Variants in SPMIP4 observed in about 807,000 individuals in gnomAD.
SPMIP4 encodes the protein sperm microtubule inner protein 4.
chr7:25,164,931 TC>T, the SPMIP4 span, among the ~76,000 whole-genome samples: 1 of 152,254 alleles, frequency 6.6e-6, no homozygotes, highest in Non-Finnish European at 1.5e-5. Flanking sequence ...TCCAACTCCC[TC>T]CAGGTTGCTG....
At chr7:25,147,188 G>A in the SPMIP4 span, among the ~76,000 whole-genome samples, 1 of 152,196 alleles carries the variant, frequency 6.6e-6, no homozygotes, top group Non-Finnish European at 1.5e-5. Context: ...TAGGTACTCT[G>A]GAGACTGAGG....
the SPMIP4 span, among the ~76,000 whole-genome samples, chr7:25,172,290 T>C: frequency 6.6e-6 from 1 of 151,970 alleles, no homozygotes; most frequent in South Asian, 2.1e-4. The surrounding 1 kb of genome is among the most constrained non-coding windows in gnomAD (Gnocchi z 4.2). Flanking sequence ...AACTTGTTTG[T>C]TTGCTCTTGA....
chr7:25,126,054 AATATAT>A, the SPMIP4 span: 1 of 271,098 alleles, frequency 3.7e-6, no homozygotes, highest in Admixed American at 6.5e-5. Flanking sequence ...GAAGTAGGTA[AATATAT>A]ATATATACTT....
the SPMIP4 span, among the ~76,000 whole-genome samples, chr7:25,153,056 T>A: frequency 6.6e-6 from 1 of 152,150 alleles, no homozygotes; most frequent in East Asian, 1.9e-4. Flanking sequence ...TGCTTCTTAG[T>A]TCTAATAAAG....
At chr7:25,129,042 T>C in the SPMIP4 span, among the ~76,000 whole-genome samples, 1 of 152,070 alleles carries the variant, frequency 6.6e-6, no homozygotes, top group East Asian at 1.9e-4. Flanking sequence ...TCCCCTCTCT[T>C]CTCCTCAAGT....
At chr7:25,151,504 T>C in the SPMIP4 span, 4 of 767,100 alleles carry the variant, frequency 5.2e-6, no homozygotes, top group Admixed American at 2.4e-5. Context: ...ATTATGGGCA[T>C]GTGCCACCAT....
the SPMIP4 span, chr7:25,134,774 T>C: frequency 2.0e-6 from 2 of 985,322 alleles, no homozygotes; most frequent in South Asian, 9.4e-5. Flanking sequence ...AAAAAGTGTG[T>C]ACACTATATC....
the SPMIP4 span, among the ~76,000 whole-genome samples, chr7:25,138,023 C>G: frequency 6.6e-6 from 1 of 152,148 alleles, no homozygotes; most frequent in East Asian, 1.9e-4. The surrounding 1 kb of genome is among the most constrained non-coding windows in gnomAD (Gnocchi z 6.2). Flanking sequence ...ATGTATAGGA[C>G]TATTCAGATT....
chr7:25,135,708 T>C, the SPMIP4 span: 1 of 983,824 alleles, frequency 1.0e-6, no homozygotes, highest in South Asian at 4.3e-5. Context: ...CCTTGTATAA[T>C]CTGAAGATGA....
chr7:25,130,223 G>A, the SPMIP4 span, among the ~76,000 whole-genome samples: 461 of 150,720 alleles, frequency 3.1e-3, 1 homozygote, highest in African/African-American at 9.7e-3. Flanking sequence ...CAACCTGGGC[G>A]ACAGAGAAAG....
chr7:25,133,257 T>A, the SPMIP4 span, among the ~76,000 whole-genome samples: 7 of 152,218 alleles, frequency 4.6e-5, no homozygotes, highest in African/African-American at 1.7e-4. Context: ...ATAGTGTATA[T>A]AATGGACAAA....
At chr7:25,166,902 A>C in the SPMIP4 span, among the ~76,000 whole-genome samples, 2 of 152,110 alleles carry the variant, frequency 1.3e-5, no homozygotes, top group African/African-American at 4.8e-5. Context: ...CCTCAAAAAA[A>C]AAAATTAAGA....
At chr7:25,148,930 T>C in the SPMIP4 span, among the ~76,000 whole-genome samples, 8,755 of 152,262 alleles carry the variant, frequency 0.057, 833 homozygotes, top group African/African-American at 0.19. Context: ...AGAAGGTTTA[T>C]GGACAGAAAA....
chr7:25,154,780 TGA>T, the SPMIP4 span, among the ~76,000 whole-genome samples: 26 of 152,268 alleles, frequency 1.7e-4, no homozygotes, highest in Middle Eastern at 6.8e-3. Context: ...GATTGTAACA[TGA>T]GAGGCTGTGT....
chr7:25,139,254 T>C, the SPMIP4 span, among the ~76,000 whole-genome samples: 102 of 152,314 alleles, frequency 6.7e-4, no homozygotes, highest in African/African-American at 2.4e-3. Context: ...TGCAATTTAC[T>C]CTAAAATGCA....
At chr7:25,144,939 T>A in the SPMIP4 span, among the ~76,000 whole-genome samples, 3 of 147,574 alleles carry the variant, frequency 2.0e-5, no homozygotes, top group African/African-American at 7.5e-5. Context: ...AGAGCCAGTT[T>A]ACTTGGAAAT....
the SPMIP4 span, among the ~76,000 whole-genome samples, chr7:25,169,399 C>T: frequency 6.6e-6 from 1 of 152,114 alleles, no homozygotes; most frequent in African/African-American, 2.4e-5. Context: ...TCACTCTTTC[C>T]CTCGGCAACT....
chr7:25,128,554 G>C, the SPMIP4 span, among the ~76,000 whole-genome samples: 1 of 152,174 alleles, frequency 6.6e-6, no homozygotes, highest in Admixed American at 6.6e-5. This position sits in a 1 kb window ranked among gnomAD's most constrained non-coding sequence, Gnocchi z 4.5. Flanking sequence ...CAGTCAGCTT[G>C]TGATAAATGC....
At chr7:25,141,922 G>C in the SPMIP4 span, among the ~76,000 whole-genome samples, 1,702 of 152,176 alleles carry the variant, frequency 0.011, 16 homozygotes, top group Non-Finnish European at 0.019. Flanking sequence ...ATTTTTAGTA[G>C]AGACAGAGTT....
Sources: gnomAD v4.1 joint callset for allele counts (sites outside exome capture counted in the v4.1 genomes callset) on GRCh38, gnomAD v4.1.1 for gene constraint, Gnocchi (gnomAD v3.1) non-coding constraint, MANE v1.5 for transcripts, NCBI Gene and HGNC (gene_info 2026-07-23, HGNC 2026-07-21) for gene names.